The following BBS9 variants were observed in gnomAD, a reference collection of about 807,000 sequenced individuals.
BBS9 encodes Bardet-Biedl syndrome 9, also known as protein PTHB1.
BBS9 carries 89 observed loss-of-function variants against 117.7 expected under a neutral mutation model. That is an observed-to-expected ratio of 0.76 (90% CI 0.64 to 0.90). The LOEUF (loss-of-function observed/expected upper bound fraction) is 0.90. Ranked by LOEUF, BBS9 falls within the 40% of genes least tolerant of loss-of-function variation. BBS9 has a pLI of 0.00. For synonymous variants in BBS9, 379 were observed against 370.9 expected, an observed-to-expected ratio of 1.02 and a Z score of -0.25; for missense variants, 982 against 1,042.2, an observed-to-expected ratio of 0.94 and a Z score of 0.80.
chr7:33,602,412 C>G (rs931589964), intron 21 of BBS9, among the ~76,000 whole-genome samples: 3 of 152,120 alleles, frequency 2.0e-5, no homozygotes, highest in Admixed American at 6.6e-5. Flanking sequence ...GTTGGGCAGT[C>G]TGGCTACAGG....
intron 20 of BBS9, among the ~76,000 whole-genome samples, chr7:33,518,921 T>A (rs180885424): frequency 1.6e-4 from 25 of 152,310 alleles, no homozygotes; most frequent in Non-Finnish European, 1.9e-4. Context: ...TTCTCCAGAC[T>A]TGATTTCTAT....
chr7:33,342,135 T>C (rs1816700437), intron 11 of BBS9, among the ~76,000 whole-genome samples: 1 of 152,118 alleles, frequency 6.6e-6, no homozygotes, highest in Non-Finnish European at 1.5e-5. Flanking sequence ...TTAATTTTAG[T>C]ATAAACAGCC....
At chr7:33,612,024 T>G (rs1196310330) in intron 21 of BBS9, among the ~76,000 whole-genome samples, 5 of 151,484 alleles carry the variant, frequency 3.3e-5, no homozygotes, top group African/African-American at 7.3e-5. Context: ...ACAGTGGCAC[T>G]GGCTCATGTC....
At chr7:33,257,535 G>A in intron 6 of BBS9, 125 bp downstream of exon 6, 1 of 887,264 alleles carries the variant, frequency 1.1e-6, no homozygotes, top group Admixed American at 1.9e-5. Context: ...GAAAATATGT[G>A]ATTGTGGTGA....
intron 5 of BBS9, among the ~76,000 whole-genome samples, chr7:33,248,992 A>G (rs1303090749): frequency 6.6e-6 from 1 of 152,184 alleles, no homozygotes; most frequent in East Asian, 1.9e-4. Context: ...AATGTGTAAA[A>G]GAAATATGAG....
At position 33,176,954 on chromosome 7, in the gene BBS9, TA is replaced by T. The variant is rs1291593685; in HGVS notation, c.329-518del. On this transcript the variant is annotated intron_variant, in intron 4 of 22. Transcript: ENST00000242067. ...GAGATTCTTCTTGGCAGACTTCAAATAAAAAACATTTTCCTATTTACTTGTT... is the reference window on the plus strand; with the variant it reads ...GAGATTCTTCTTGGCAGACTTCAAATAAAAACATTTTCCTATTTACTTGTT... Among the ~76,000 whole-genome samples, 18 of 152,262 alleles carry T rather than the reference TA, an allele frequency of 1.2e-4. No individual in the cohort carries two copies. The East Asian group carries it at 3.3e-3, about 28-fold the overall frequency.
chr7:33,405,049 C>T (rs1369256459), intron 19 of BBS9, among the ~76,000 whole-genome samples: 1 of 152,120 alleles, frequency 6.6e-6, no homozygotes, highest in Non-Finnish European at 1.5e-5. Flanking sequence ...GAGTTTTTAG[C>T]ATGAAGTGTT....
chr7:33,571,411 G>A (rs1194720620), intron 21 of BBS9, among the ~76,000 whole-genome samples: 1 of 152,014 alleles, frequency 6.6e-6, no homozygotes, highest in Non-Finnish European at 1.5e-5. Context: ...AGGACAACTG[G>A]AAAACATAAA....
At chr7:33,459,030 A>T (rs371687841) in intron 19 of BBS9, among the ~76,000 whole-genome samples, 4 of 152,218 alleles carry the variant, frequency 2.6e-5, no homozygotes, top group Admixed American at 6.6e-5. Flanking sequence ...TGTTGGCAGC[A>T]GTGGGAATGA....
In BBS9 at chr7:33,307,554, G is replaced by T. The variant is rs181653337; in HGVS notation, c.1017-28887G>T. 4.9e-3 allele frequency among the ~76,000 whole-genome samples: 743 copies of T among 151,414 alleles called. 5 individuals carry two copies. Among genetic ancestry groups the T allele is most frequent in the Non-Finnish European group, 8.6e-3 (586 of 67,874 alleles). On this transcript the variant is annotated intron_variant, in intron 9 of 22. Transcript: ENST00000242067. ...TGGGAGATTGGTTACAGGAATTCCT[G>T]CAGATCCAAAACCTATGAATACTAA...
intron 15 of BBS9, among the ~76,000 whole-genome samples, chr7:33,357,498 C>T (rs1819822280): frequency 6.6e-6 from 1 of 151,524 alleles, no homozygotes; most frequent in Admixed American, 6.6e-5. Context: ...TGCTGATAGT[C>T]TTGGATTAGG....
At chr7:33,285,468 T>C (rs941584455) in intron 9 of BBS9, among the ~76,000 whole-genome samples, 3 of 152,188 alleles carry the variant, frequency 2.0e-5, no homozygotes, top group Non-Finnish European at 4.4e-5. Flanking sequence ...TCAGTAAACA[T>C]AATTTGGACA....
intron 21 of BBS9, among the ~76,000 whole-genome samples, chr7:33,625,344 TC>T (rs1190206069): frequency 6.6e-6 from 1 of 152,148 alleles, no homozygotes; most frequent in Non-Finnish European, 1.5e-5. Flanking sequence ...TGAATTCTAC[TC>T]ATATTATAGC....
At chr7:33,149,749 G>A (rs1328803046) in intron 2 of BBS9, among the ~76,000 whole-genome samples, 1 of 152,196 alleles carries the variant, frequency 6.6e-6, no homozygotes, top group Non-Finnish European at 1.5e-5. Flanking sequence ...TGAAATCTGT[G>A]AGAGTCAGAC....
intron 5 of BBS9, among the ~76,000 whole-genome samples, chr7:33,251,087 A>G (rs1796145760): frequency 1.3e-5 from 2 of 152,200 alleles, no homozygotes; most frequent in Non-Finnish European, 1.5e-5. Flanking sequence ...TCAGGGACAG[A>G]GACCTGACTC....
chr7:33,548,951 A>T (rs1229343504), intron 21 of BBS9, among the ~76,000 whole-genome samples: 1 of 151,520 alleles, frequency 6.6e-6, no homozygotes, highest in Admixed American at 6.6e-5. Flanking sequence ...GCAACCAAAA[A>T]AGAGCCTGCA....
chr7:33,585,681 A>G (rs373010879), intron 21 of BBS9, among the ~76,000 whole-genome samples: 105 of 152,246 alleles, frequency 6.9e-4, no homozygotes, highest in African/African-American at 1.7e-3. Flanking sequence ...TTATTATTCA[A>G]TTATGATTAA....
intron 4 of BBS9, among the ~76,000 whole-genome samples, chr7:33,167,783 C>G (rs1795930842): frequency 6.6e-6 from 1 of 152,056 alleles, no homozygotes; most frequent in South Asian, 2.1e-4. Context: ...TTGTCGGGGT[C>G]CTTTCTATCC....
At position 33,364,697 on chromosome 7, in the gene BBS9, G is replaced by A. The variant is rs1307848474; in HGVS notation, c.1694-3070G>A. Reference sequence around the variant, plus strand: ...CCCATCCTTTCCCCCCTCCCCCTCCGCCCTTTTCTCCCATCCTGTCCTCCT... The same window carrying A: ...CCCATCCTTTCCCCCCTCCCCCTCCACCCTTTTCTCCCATCCTGTCCTCCT... On this transcript the variant is annotated intron_variant, in intron 16 of 22. Coordinates refer to ENST00000242067, the MANE Select transcript of BBS9 (RefSeq NM_198428.3). Among the ~76,000 whole-genome samples the A allele has an allele frequency of 2.0e-3, 169 of 82,564 alleles. 1 individual carries two copies. Among genetic ancestry groups the A allele is most frequent in the African/African-American group, 7.8e-3 (161 of 20,722 alleles). 54.2% of individuals were successfully genotyped at this position (82,564 alleles called of 152,430 possible).
Sources: allele counts gnomAD v4.1 joint callset (sites outside exome capture counted in the v4.1 genomes callset), GRCh38; gene constraint gnomAD v4.1.1; transcripts MANE v1.5; gene names NCBI Gene and HGNC (gene_info 2026-07-23, HGNC 2026-07-21).